LUC7L2: variants seen among roughly 807,000 people sequenced by gnomAD.
LUC7L2 encodes LUC7 like 2, pre-mRNA splicing factor, also known as putative RNA-binding protein Luc7-like 2.
A neutral mutation model predicts 52.8 loss-of-function variants in LUC7L2; 25 were observed. The observed-to-expected ratio is 0.47, with a 90% CI of 0.34 to 0.66. LUC7L2 has a LOEUF of 0.66. LUC7L2 is among the 30% of genes least tolerant of loss of function. LUC7L2 has a pLI of 0.01. For synonymous variants in LUC7L2, 144 were observed against 160.9 expected (o/e 0.89, Z 0.80); for missense variants, 328 against 497.8 (o/e 0.66, Z 3.25).
At chr7:139,386,028 A>G (rs560973424) in intron 2 of LUC7L2, among the ~76,000 whole-genome samples, 4 of 152,206 alleles carry the variant, frequency 2.6e-5, no homozygotes, top group Admixed American at 2.0e-4. Flanking sequence ...TTGAGACCAG[A>G]GTCTTGATGT....
chr7:139,377,350 G>A (rs1056483605), intron 2 of LUC7L2, among the ~76,000 whole-genome samples: 3 of 152,002 alleles, frequency 2.0e-5, no homozygotes, highest in African/African-American at 4.8e-5. Flanking sequence ...AATCACAGGC[G>A]CGTGCCACCA....
At chr7:139,406,562 C>T (rs778308241) in intron 5 of LUC7L2, among the ~76,000 whole-genome samples, 3 of 152,058 alleles carry the variant, frequency 2.0e-5, no homozygotes, top group Non-Finnish European at 4.4e-5. Context: ...CCATGTTGGC[C>T]AGGCTGGTCT....
At chr7:139,341,130 C>T (rs1798931027) in intron 1 of LUC7L2, 3 of 436,680 alleles carry the variant, frequency 6.9e-6, no homozygotes, top group Non-Finnish European at 1.1e-5. Flanking sequence ...CCCCTGTTTC[C>T]CCAAACCCTT....
At chr7:139,341,145 T>C (rs1410810465) in intron 1 of LUC7L2, 2 of 506,278 alleles carry the variant, frequency 4.0e-6, no homozygotes, top group African/African-American at 2.0e-5. Flanking sequence ...ACCCTTGTTC[T>C]GGGTTAGAGG....
At chr7:139,404,714 T>G (rs1344302678) in intron 4 of LUC7L2, among the ~76,000 whole-genome samples, 1 of 152,156 alleles carries the variant, frequency 6.6e-6, no homozygotes, top group Non-Finnish European at 1.5e-5. Context: ...TTAATCCTGG[T>G]GGAAAGCTAA....
Position 139,378,957 on chromosome 7 carries a change from C to T in LUC7L2, c.156+2801C>T, listed in dbSNP as rs562921135. 3.9e-5 allele frequency among the ~76,000 whole-genome samples: 6 copies of T among 152,264 alleles called. No individual in the cohort carries two copies. In the East Asian group the frequency reaches 1.2e-3, roughly 29 times the overall value. On this transcript the variant is annotated intron_variant, in intron 2 of 9. Transcript: ENST00000354926. The stretch of plus-strand genomic sequence containing the variant: ...CAGGAGCCACTGTGCCTGGCCTTAA[C>T]TGTTGATTTTATGATGCTTTTTCTT...
At chr7:139,345,387 G>GT in intron 1 of LUC7L2, 2 of 1,453,058 alleles carry the variant, frequency 1.4e-6, no homozygotes, top group South Asian at 2.7e-5. Context: ...ATACATGTCT[G>GT]TATTTCCTCT....
At chr7:139,349,969 A>G (rs978240036) in intron 1 of LUC7L2, among the ~76,000 whole-genome samples, 3 of 152,088 alleles carry the variant, frequency 2.0e-5, no homozygotes, top group East Asian at 1.9e-4. Context: ...TTTGCAGTCA[A>G]TTCTCCTTCC....
chr7:139,341,449 G>T (rs1462281290), intron 1 of LUC7L2: 1 of 1,613,606 alleles, frequency 6.2e-7, no homozygotes, highest in Non-Finnish European at 8.5e-7. Flanking sequence ...CGCTACCTGA[G>T]CGCGGCCACC....
At chr7:139,358,364 A>T (rs764199358), upstream of LUC7L2, among the ~76,000 whole-genome samples, 16 of 152,196 alleles carry the variant, frequency 1.1e-4, no homozygotes, top group Non-Finnish European at 2.2e-4. Flanking sequence ...TTTTTTATTG[A>T]TCTGCTAATA....
At position 139,375,176 on chromosome 7, in the gene LUC7L2, A is replaced by G. The variant is rs969781563; in HGVS notation, c.62-886A>G. 5.1e-6 allele frequency: 5 copies of G among 982,802 alleles called. No homozygotes were observed. The East Asian group carries it at 3.4e-4, about 67-fold the overall frequency. 60.9% of individuals were successfully genotyped at this position (982,802 alleles called of 1,614,324 possible). On this transcript the variant is annotated intron_variant, in intron 1 of 9. Transcript: ENST00000354926. ...AGCAAAAAAATTTTAACTAACATCTATATTTTGTTATTGGAGCTAGTTACC... is the reference window on the plus strand; with the variant it reads ...AGCAAAAAAATTTTAACTAACATCTGTATTTTGTTATTGGAGCTAGTTACC...
At position 139,343,025 on chromosome 7, in the gene LUC7L2, G is replaced by A. The variant is rs534380652; in HGVS notation, c.-26+2508G>A. Among the ~76,000 whole-genome samples the A allele has an allele frequency of 4.5e-4, 68 of 152,290 alleles. 1 individual carries two copies. The highest frequency in any genetic ancestry group is 6.5e-4 in the Non-Finnish European group (44 of 68,030). ...GAGAAACCTACCCTTTCTCCACAGG[G>A]AAAATACAGTGTTCTATTTCATTTG... is the stretch of plus-strand genomic sequence containing the variant. On this transcript the variant is annotated intron_variant, in intron 1 of 10. Transcript: ENST00000541170.
At position 139,417,744 on chromosome 7, in the gene LUC7L2, A is replaced by G. The variant is rs3778931; in HGVS notation, c.1001+15A>G. On this transcript the variant is annotated intron_variant, in intron 9 of 9. Coordinates refer to ENST00000354926, the MANE Select transcript of LUC7L2 (RefSeq NM_016019.5). ...TCCAAGAGGAGGTATTGATGTGTCA[A>G]TCAGAGGATATGGAGCTACCTTAAT... 0.26 allele frequency: 417,333 copies of G among 1,608,222 alleles called. 66,010 individuals carry two copies. The highest frequency in any genetic ancestry group is 0.77 in the African/African-American group (57,929 of 74,852).
intron 7 of LUC7L2, among the ~76,000 whole-genome samples, chr7:139,411,652 C>T (rs997480458): frequency 2.6e-5 from 4 of 152,102 alleles, no homozygotes; most frequent in Non-Finnish European, 2.9e-5. Flanking sequence ...CCTGTGGTGT[C>T]CTACTAGCCA....
intron 1 of LUC7L2, among the ~76,000 whole-genome samples, chr7:139,344,264 TGTG>T (rs1332099076): frequency 6.6e-6 from 1 of 152,176 alleles, no homozygotes; most frequent in Non-Finnish European, 1.5e-5. Context: ...CCTCAGTAAC[TGTG>T]GGGACTGGTT....
intron 1 of LUC7L2, among the ~76,000 whole-genome samples, chr7:139,354,172 G>T (rs1488384751): frequency 6.6e-6 from 1 of 152,102 alleles, no homozygotes; most frequent in Non-Finnish European, 1.5e-5. Flanking sequence ...TCTGTTAATG[G>T]CAGTCTAGGT....
At chr7:139,359,423 AGG>A, upstream of LUC7L2, 1 of 165,362 alleles carries the variant, frequency 6.0e-6, no homozygotes, top group East Asian at 1.7e-4. Context: ...GCGGCGAGAC[AGG>A]CCTGCTCCCG....
intron 2 of LUC7L2, among the ~76,000 whole-genome samples, chr7:139,396,922 T>G (rs1039397208): frequency 1.3e-5 from 2 of 152,234 alleles, no homozygotes; most frequent in African/African-American, 4.8e-5. Context: ...CATATTTATT[T>G]CTTTTAAATT....
Position 139,416,040 on chromosome 7 carries a change from AAT to A in LUC7L2, c.810-1449_810-1448del, listed in dbSNP as rs66498771. On this transcript the variant is annotated intron_variant, in intron 8 of 9. Transcript: ENST00000354926. ...ATTTAAGAGTTTTATTGAGGTATAA[AAT>A]ATATATATATATATATATATATATA... The A allele has an allele frequency of 8.6e-3, 832 of 97,024 alleles. 17 individuals are homozygous for A. The highest frequency in any genetic ancestry group is 0.014 in the East Asian group (32 of 2,302). The allele number at this position is 97,024 out of a possible 1,614,324, so 6.0% of individuals were successfully genotyped here.
Sources: allele counts gnomAD v4.1 joint callset (sites outside exome capture counted in the v4.1 genomes callset), GRCh38; gene constraint gnomAD v4.1.1; transcripts MANE v1.5; gene names NCBI Gene and HGNC (gene_info 2026-07-23, HGNC 2026-07-21).